PCDHGA3: variants seen among roughly 807,000 people sequenced by gnomAD.
The protein encoded by PCDHGA3 is protocadherin gamma subfamily A, 3.
In PCDHGA3, 40 loss-of-function variants were observed where a neutral mutation model predicts 58.5. That is an observed-to-expected ratio of 0.68 (90% CI 0.53 to 0.89). PCDHGA3 has a LOEUF of 0.89. Among genes scored for constraint, PCDHGA3 ranks in the 40% least tolerant of loss-of-function variants. The probability of loss-of-function intolerance (pLI) is 0.00; values close to 1 mark genes in which losing one functional copy is unlikely to be tolerated. For synonymous variants in PCDHGA3, 530 were observed against 525.7 expected, an observed-to-expected ratio of 1.01 and a Z score of -0.11; for missense variants, 1,223 against 1,195.9, an observed-to-expected ratio of 1.02 and a Z score of -0.33.
At chr5:141,419,477 C>G (rs760970548) in intron 1 of PCDHGA3, 1 of 1,612,420 alleles carries the variant, frequency 6.2e-7, no homozygotes, top group Non-Finnish European at 8.5e-7. Flanking sequence ...CCAGGGCTCG[C>G]CCGCGCTCAG....
At chr5:141,356,306 T>G in intron 1 of PCDHGA3, 2 of 1,554,168 alleles carry the variant, frequency 1.3e-6, no homozygotes, top group Non-Finnish European at 1.7e-6. Flanking sequence ...ATTGCACTTT[T>G]CAACGTGCAT....
intron 1 of PCDHGA3, chr5:141,373,923 A>ACGGGAAAG: frequency 1.5e-6 from 1 of 658,156 alleles, no homozygotes; most frequent in African/African-American, 1.9e-5. Flanking sequence ...AGCAAATTAG[A>ACGGGAAAG]CGGGAAAGCA....
chr5:141,347,960 G>C (rs568312417), intron 1 of PCDHGA3, among the ~76,000 whole-genome samples: 2 of 152,270 alleles, frequency 1.3e-5, no homozygotes, highest in South Asian at 4.1e-4. Flanking sequence ...TCTTGTCCTT[G>C]AGAAGGACAT....
rs776258973 is a variant in PCDHGA3, at chr5:141,489,877, A to G, written c.2425-4930A>G. 1.2e-6 allele frequency: 2 copies of G among 1,614,230 alleles called. No individual in the cohort carries two copies. The highest frequency in any genetic ancestry group is 2.2e-5 in the South Asian group (2 of 91,090). Reference sequence around the variant, plus strand: ...CCAGGCAAGACATCAGCTGGTGCTTACTGCTGTGGATGGGGGGACCCCAGC... The same window carrying G: ...CCAGGCAAGACATCAGCTGGTGCTTGCTGCTGTGGATGGGGGGACCCCAGC... On this transcript the variant is annotated intron_variant, in intron 1 of 3. Coordinates refer to ENST00000253812, the MANE Select transcript of PCDHGA3 (RefSeq NM_018916.4). This position sits in a 1 kb window ranked among gnomAD's most constrained non-coding sequence, Gnocchi z 4.5.
chr5:141,431,670 T>C lies in PCDHGA3; in HGVS notation c.2425-63137T>C, dbSNP rs767342240. 1 of 1,614,070 alleles carries C rather than the reference T, an allele frequency of 6.2e-7. No homozygotes were observed. The highest frequency in any genetic ancestry group is 8.5e-7 in the Non-Finnish European group (1 of 1,180,026). On this transcript the variant is annotated intron_variant, in intron 1 of 3. Coordinates refer to ENST00000253812, the MANE Select transcript of PCDHGA3 (RefSeq NM_018916.4). This position sits in a 1 kb window ranked among gnomAD's most constrained non-coding sequence, Gnocchi z 4.8. ...TGTAATTCAGGGACAATATCAACAATAGGGGAGTTGGACCACGAGGAGTCA... is the reference window on the plus strand; with the variant it reads ...TGTAATTCAGGGACAATATCAACAACAGGGGAGTTGGACCACGAGGAGTCA...
At chr5:141,393,590 G>C (rs778378242) in intron 1 of PCDHGA3, 2 of 1,613,896 alleles carry the variant, frequency 1.2e-6, no homozygotes, top group South Asian at 1.1e-5. Context: ...CCCCAGGCAC[G>C]CGGCTGCTTA....
chr5:141,432,745 G>A lies in PCDHGA3; in HGVS notation c.2425-62062G>A, dbSNP rs138883931. ...TCTCCGCCACTGTCACGCTCACCGT[G>A]GCCGTGGCCGACAGCATCCCCCAAG... On this transcript the variant is annotated intron_variant, in intron 1 of 3. Coordinates refer to ENST00000253812, the MANE Select transcript of PCDHGA3 (RefSeq NM_018916.4). This position sits in a 1 kb window ranked among gnomAD's most constrained non-coding sequence, Gnocchi z 6.0. 311 of 1,614,110 alleles carry A rather than the reference G, an allele frequency of 1.9e-4. No individual in the cohort carries two copies. The African/African-American group carries it at 3.5e-3, about 18-fold the overall frequency.
At chr5:141,365,152 CG>C in intron 1 of PCDHGA3, 1 of 1,613,880 alleles carries the variant, frequency 6.2e-7, no homozygotes, top group South Asian at 1.1e-5. Context: ...AGGGAATAAA[CG>C]GGAAATTGAC....
intron 1 of PCDHGA3, among the ~76,000 whole-genome samples, chr5:141,456,059 G>A (rs1200043527): frequency 1.3e-5 from 2 of 151,662 alleles, no homozygotes; most frequent in Non-Finnish European, 1.5e-5. Flanking sequence ...CACCACGTCC[G>A]GCTAATTTTT....
chr5:141,365,964 A>G, intron 1 of PCDHGA3: 1 of 1,614,252 alleles, frequency 6.2e-7, no homozygotes, highest in Non-Finnish European at 8.5e-7. Context: ...CTTAGCAGCA[A>G]CGTGTCGCTG....
intron 1 of PCDHGA3, chr5:141,420,098 A>G: frequency 6.2e-7 from 1 of 1,614,034 alleles, no homozygotes; most frequent in African/African-American, 1.3e-5. Flanking sequence ...CAGTGAGGGA[A>G]CGTTGCCCTA....
chr5:141,388,520 G>T, intron 1 of PCDHGA3: 1 of 1,613,822 alleles, frequency 6.2e-7, no homozygotes, highest in Admixed American at 1.7e-5. Flanking sequence ...ACTTGACTTT[G>T]ACTGCCTTGG....
intron 3 of PCDHGA3, among the ~76,000 whole-genome samples, chr5:141,506,402 G>C (rs1032556978): frequency 7.0e-6 from 1 of 143,732 alleles, no homozygotes; most frequent in African/African-American, 2.6e-5. Context: ...GCAGAAAATC[G>C]CACCACTGCA....
chr5:141,376,730 A>T (rs1773298181), intron 1 of PCDHGA3: 1 of 526,912 alleles, frequency 1.9e-6, no homozygotes, highest in Admixed American at 4.2e-5. Flanking sequence ...CCCAGGCCGG[A>T]CTGCGGACTG....
intron 1 of PCDHGA3, chr5:141,385,487 A>T (rs1781222873): frequency 5.6e-6 from 8 of 1,416,434 alleles, no homozygotes; most frequent in Non-Finnish European, 6.4e-6. Context: ...TATAGAACAC[A>T]TAGGATATAG....
At chr5:141,426,517 A>G (rs893782433) in intron 1 of PCDHGA3, 5 of 343,020 alleles carry the variant, frequency 1.5e-5, no homozygotes, top group African/African-American at 2.1e-5. Context: ...CTTTACCGTG[A>G]ACACGGAGAA....
In PCDHGA3 at chr5:141,357,289, G is replaced by C. The variant is rs369077752; in HGVS notation, c.2424+10832G>C. On this transcript the variant is annotated intron_variant, in intron 1 of 3. Transcript: ENST00000253812. Reference sequence around the variant, plus strand: ...CCTCACACTCTATCTCGTGGTGGCAGTGGCCGCTGTCTCCTGCGTCTTCCT... The same window carrying C: ...CCTCACACTCTATCTCGTGGTGGCACTGGCCGCTGTCTCCTGCGTCTTCCT... The C allele has an allele frequency of 1.9e-5, 31 of 1,613,842 alleles. No individual in the cohort carries two copies. Among genetic ancestry groups the C allele is most frequent in the African/African-American group, 2.7e-5 (2 of 74,940 alleles).
At position 141,511,426 on chromosome 5, in the gene PCDHGA3, G is replaced by C. The variant is rs2099883789; in HGVS notation, c.*253G>C. 2.5e-6 allele frequency: 2 copies of C among 798,652 alleles called. No homozygotes were observed. The highest frequency in any genetic ancestry group is 3.8e-6 in the Non-Finnish European group (2 of 529,972). 49.5% of individuals were successfully genotyped at this position (798,652 alleles called of 1,614,324 possible). ...CAACTGCTGTACCCATGGGGGTAGTGGGGTTACTGTAGACACCAAGAACCA... is the reference window on the plus strand; with the variant it reads ...CAACTGCTGTACCCATGGGGGTAGTCGGGTTACTGTAGACACCAAGAACCA... On this transcript the variant is annotated 3_prime_UTR_variant, in exon 4 of 4. Transcript: ENST00000253812.
At position 141,393,513 on chromosome 5, in the gene PCDHGA3, G is replaced by A. The variant is rs376672994; in HGVS notation, c.2424+47056G>A. The A allele has an allele frequency of 6.6e-5, 107 of 1,614,000 alleles. 1 individual carries two copies. In the Middle Eastern group the frequency reaches 1.3e-3, roughly 20 times the overall value. ...AGTGCGCATCCACGTGACAGTGTTG[G>A]ATACAAATGACAATGCCCCGGTTTT... On this transcript the variant is annotated intron_variant, in intron 1 of 3. Transcript: ENST00000253812.
Sources: allele counts gnomAD v4.1 joint callset (sites outside exome capture counted in the v4.1 genomes callset), GRCh38; gene constraint gnomAD v4.1.1; non-coding constraint Gnocchi (gnomAD v3.1); transcripts MANE v1.5; gene names NCBI Gene and HGNC (gene_info 2026-07-23, HGNC 2026-07-21).